ATG4B: variants seen among roughly 807,000 people sequenced by gnomAD.
ATG4B encodes cysteine protease ATG4B.
Under a neutral mutation model 56.6 loss-of-function variants are expected in ATG4B, and 29 were observed. The observed-to-expected ratio is 0.51, with a 90% confidence interval of 0.38 to 0.70. The LOEUF is 0.70. Ranked by LOEUF, ATG4B falls within the 30% of genes least tolerant of loss-of-function variation. The pLI, the probability that ATG4B is intolerant of heterozygous loss-of-function variation, is 0.00. For synonymous variants in ATG4B, 224 were observed against 206.1 expected (o/e 1.09, Z -0.74); for missense variants, 461 against 515.5 (o/e 0.89, Z 1.02).
At position 241,668,092 on chromosome 2, in the gene ATG4B, G is replaced by T. The variant is rs1020900293; in HGVS notation, c.733-51G>T. On this transcript the variant is annotated intron_variant, in intron 8 of 12. Coordinates refer to ENST00000404914, the MANE Select transcript of ATG4B (RefSeq NM_013325.5). This position sits in a 1 kb window ranked among gnomAD's most constrained non-coding sequence, Gnocchi z 4.2. ...GGCCCCCTATGGCAGTGGGTGGGGGGACCGTCTGCTCCCACCTGGGACCTG... is the reference window on the plus strand; with the variant it reads ...GGCCCCCTATGGCAGTGGGTGGGGGTACCGTCTGCTCCCACCTGGGACCTG... 1 of 1,538,716 alleles carries T rather than the reference G, an allele frequency of 6.5e-7. No individual in the cohort carries two copies. The highest frequency in any genetic ancestry group is 1.4e-5 in the African/African-American group (1 of 72,964).
chr2:241,643,942 C>T (rs35807080), intron 1 of ATG4B, among the ~76,000 whole-genome samples: 63,207 of 151,936 alleles, frequency 0.42, 13,843 homozygotes, highest in African/African-American at 0.55. Flanking sequence ...TGATGTGGCA[C>T]GGGAAGATGA....
In ATG4B at chr2:241,651,316, G is replaced by A. The variant is rs762783407; in HGVS notation, c.165G>A (p.Arg55=). ...CATCTAGACTTTGGTTTACATACAG[G>A]AAAAACTTTCCAGCCATTGGTAAGT... is the stretch of plus-strand genomic sequence containing the variant. ...DVASRLWFTY[R]KNFPAIGGTG... Residue 55 remains arginine (R), a synonymous_variant, in exon 3 of 13, where the codon AGG becomes AGA. Coordinates refer to ENST00000404914, the MANE Select transcript of ATG4B (RefSeq NM_013325.5). The surrounding 1 kb of genome is among the most constrained non-coding windows in gnomAD (Gnocchi z 4.1). 3.1e-6 allele frequency: 5 copies of A among 1,600,506 alleles called. No homozygotes were observed. The highest frequency in any genetic ancestry group is 1.1e-5 in the South Asian group (1 of 88,756).
Position 241,670,349 on chromosome 2 carries a change from C to T in ATG4B, c.958-377C>T, listed in dbSNP as rs562988682. Among the ~76,000 whole-genome samples the T allele has an allele frequency of 7.2e-4, 110 of 152,114 alleles. 1 individual carries two copies. Among genetic ancestry groups the T allele is most frequent in the African/African-American group, 2.5e-3 (104 of 41,480 alleles). On this transcript the variant is annotated intron_variant, in intron 10 of 12. Transcript: ENST00000404914. ...GCCAAGCTTCCAGGGAGCTGCTGGGCGAAGGCTGAGACCCAGCGGCCCTGC... is the reference window on the plus strand; with the variant it reads ...GCCAAGCTTCCAGGGAGCTGCTGGGTGAAGGCTGAGACCCAGCGGCCCTGC...
At chr2:241,649,284 C>A (rs1051350005) in intron 1 of ATG4B, among the ~76,000 whole-genome samples, 5 of 152,356 alleles carry the variant, frequency 3.3e-5, no homozygotes, top group South Asian at 2.1e-4. Context: ...TATGATTTCA[C>A]GTACGAACCT....
At position 241,653,345 on chromosome 2, in the gene ATG4B, C is replaced by T. The variant is rs902696122; in HGVS notation, c.185-167C>T. The T allele has an allele frequency of 3.9e-5, 61 of 1,549,762 alleles. No individual in the cohort carries two copies. In the East Asian group the frequency reaches 1.5e-3, roughly 37 times the overall value. ...CATTTCACTCTCCAGTAAATGTGGC[C>T]CTTGGCGTTACTGAGTCCTAAGAGG... On this transcript the variant is annotated intron_variant, in intron 3 of 12. Transcript: ENST00000404914.
intron 10 of ATG4B, among the ~76,000 whole-genome samples, chr2:241,669,135 C>T (rs1022311931): frequency 1.3e-5 from 2 of 152,032 alleles, no homozygotes; most frequent in East Asian, 3.9e-4. Context: ...GAGGCTCTGA[C>T]TTGACCTCTC....
chr2:241,655,124 C>T (rs1407803990), intron 5 of ATG4B, 147 bp from the exon 6 acceptor site: 1 of 722,814 alleles, frequency 1.4e-6, no homozygotes, highest in East Asian at 2.7e-5. Context: ...TCATGCCTCC[C>T]CCGATCTTGT....
intron 7 of ATG4B, 84 bp from the exon 8 acceptor site, chr2:241,666,561 T>TA (rs1162344101): frequency 2.8e-6 from 4 of 1,419,182 alleles, no homozygotes; most frequent in Non-Finnish European, 3.9e-6. Flanking sequence ...CTTTTTCTGT[T>TA]ACACAGTCAT....
chr2:241,638,795 C>T (rs1257222769), intron 1 of ATG4B, among the ~76,000 whole-genome samples: 1 of 152,212 alleles, frequency 6.6e-6, no homozygotes, highest in Non-Finnish European at 1.5e-5. Context: ...GCATGTTGAC[C>T]AGGTGTATAT....
At chr2:241,643,662 A>ATGTGTGTG (rs1559248008) in intron 1 of ATG4B, among the ~76,000 whole-genome samples, 1 of 64,894 alleles carries the variant, frequency 1.5e-5, no homozygotes, top group Admixed American at 1.4e-4. Flanking sequence ...ATATATATAT[A>ATGTGTGTG]CGTGTGTGTG....
At chr2:241,653,232 C>T in intron 3 of ATG4B, 1 of 1,046,780 alleles carries the variant, frequency 9.6e-7, no homozygotes, top group Non-Finnish European at 1.4e-6. Flanking sequence ...TTACGGGGGT[C>T]AGTGTCTTCA....
Position 241,653,511 on chromosome 2 carries a change from G to T in ATG4B, c.185-1G>T. 4 of 1,576,316 alleles carry T rather than the reference G, an allele frequency of 2.5e-6. No individual in the cohort carries two copies. The highest frequency in any genetic ancestry group is 3.4e-6 in the Non-Finnish European group (4 of 1,160,880). On this transcript the variant is annotated splice_acceptor_variant, in intron 3 of 12. Coordinates refer to ENST00000404914, the MANE Select transcript of ATG4B (RefSeq NM_013325.5). LOFTEE classifies it high-confidence loss of function. Reference sequence around the variant, plus strand: ...ACTTCTCTCTCTGTCTGCCACGACAGGGGGGACAGGCCCCACCTCGGACAC... The same window carrying T: ...ACTTCTCTCTCTGTCTGCCACGACATGGGGGACAGGCCCCACCTCGGACAC...
At position 241,651,288 on chromosome 2, in the gene ATG4B, T is replaced by C; in HGVS notation, c.137T>C (p.Val46Ala). The C allele has an allele frequency of 6.2e-7, 1 of 1,603,146 alleles. No homozygotes were observed. Among genetic ancestry groups the C allele is most frequent in the Non-Finnish European group, 8.5e-7 (1 of 1,174,370 alleles). Residue 46 changes from valine (V) to alanine (A), a missense_variant, in exon 3 of 13, where the codon GTG (valine) becomes GCG (alanine). Transcript: ENST00000404914. This position sits in a 1 kb window ranked among gnomAD's most constrained non-coding sequence, Gnocchi z 4.1. Reference sequence around the variant, plus strand: ...GAAAAGGACGAGATCTTGTCTGATGTGGCATCTAGACTTTGGTTTACATAC... The same window carrying C: ...GAAAAGGACGAGATCTTGTCTGATGCGGCATCTAGACTTTGGTTTACATAC... ...FTEKDEILSD[V>A]ASRLWFTYRK...
intron 7 of ATG4B, among the ~76,000 whole-genome samples, chr2:241,664,375 A>G (rs1329645658): frequency 6.6e-6 from 1 of 152,072 alleles, no homozygotes; most frequent in African/African-American, 2.4e-5. Flanking sequence ...CTACAAAAAA[A>G]CAAAACAAAA....
At chr2:241,646,710 T>A (rs1341738733) in intron 1 of ATG4B, among the ~76,000 whole-genome samples, 1 of 152,084 alleles carries the variant, frequency 6.6e-6, no homozygotes, top group African/African-American at 2.4e-5. Flanking sequence ...TAGGCTAATG[T>A]AAGTGTTCTG....
intron 1 of ATG4B, among the ~76,000 whole-genome samples, chr2:241,640,784 C>T (rs1344672717): frequency 2.0e-5 from 3 of 152,028 alleles, no homozygotes; most frequent in Non-Finnish European, 4.4e-5. Context: ...GGCTCAGGTG[C>T]AGCGGGTGGC....
intron 12 of ATG4B, 22 bp from the exon 13 acceptor site, chr2:241,672,169 C>T (rs537927019): frequency 7.7e-6 from 12 of 1,563,180 alleles, no homozygotes; most frequent in African/African-American, 4.1e-5. Flanking sequence ...ATGCCTGATG[C>T]GCTATGTCCT....
At chr2:241,655,379 G>GCAGGGAT in intron 6 of ATG4B, 36 bp downstream of exon 6, 1 of 1,579,012 alleles carries the variant, frequency 6.3e-7, no homozygotes, top group South Asian at 1.2e-5. Flanking sequence ...GCATGGGGCA[G>GCAGGGAT]CAGGGATGTT....
At chr2:241,638,793 A>C (rs1015006534) in intron 1 of ATG4B, among the ~76,000 whole-genome samples, 14 of 152,200 alleles carry the variant, frequency 9.2e-5, no homozygotes, top group Admixed American at 8.5e-4. Context: ...GAGCATGTTG[A>C]CCAGGTGTAT....
Sources: allele counts gnomAD v4.1 joint callset (sites outside exome capture counted in the v4.1 genomes callset), GRCh38; gene constraint gnomAD v4.1.1; non-coding constraint Gnocchi (gnomAD v3.1); transcripts MANE v1.5; gene names NCBI Gene and HGNC (gene_info 2026-07-23, HGNC 2026-07-21).